The following CTNND2 variants were observed in gnomAD, a reference collection of about 807,000 sequenced individuals.
The protein encoded by CTNND2 is catenin delta-2.
CTNND2 carries 22 observed loss-of-function variants against 144.4 expected under a neutral mutation model. That is an observed-to-expected ratio of 0.15 (90% CI 0.11 to 0.22). The LOEUF (loss-of-function observed/expected upper bound fraction) is 0.22. Among genes scored for constraint, CTNND2 ranks in the 10% least tolerant of loss-of-function variants. The probability of loss-of-function intolerance (pLI) is 1.00; values close to 1 mark genes in which losing one functional copy is unlikely to be tolerated. For synonymous variants in CTNND2, 751 were observed against 695.6 expected, an observed-to-expected ratio of 1.08 and a Z score of -1.25; for missense variants, 1,353 against 1,618.8, an observed-to-expected ratio of 0.84 and a Z score of 2.82.
chr5:11,781,553 G>T (rs78157903), intron 1 of CTNND2, among the ~76,000 whole-genome samples: 11,644 of 152,204 alleles, frequency 0.077, 1,179 homozygotes, highest in African/African-American at 0.23. Context: ...TGATAAAACT[G>T]CATGATGTTC....
chr5:11,199,364 A>G, intron 11 of CTNND2, 84 bp downstream of exon 11: 1 of 1,217,464 alleles, frequency 8.2e-7, no homozygotes, highest in Non-Finnish European at 1.2e-6. Context: ...CACAATATTT[A>G]TTTGATTAGT....
chr5:11,736,482 T>C (rs1283785858), intron 1 of CTNND2, among the ~76,000 whole-genome samples: 1 of 152,144 alleles, frequency 6.6e-6, no homozygotes, highest in Non-Finnish European at 1.5e-5. Context: ...TAATCCAAAT[T>C]TAATGTAACT....
intron 2 of CTNND2, among the ~76,000 whole-genome samples, chr5:11,573,794 T>C (rs1007117126): frequency 1.3e-5 from 2 of 152,084 alleles, no homozygotes; most frequent in African/African-American, 2.4e-5. Flanking sequence ...AAAATAAAAA[T>C]ATAACGAAAC....
chr5:11,262,759 C>A lies in CTNND2; in HGVS notation c.1629-25936G>T, dbSNP rs1339895622. 5.4e-4 allele frequency among the ~76,000 whole-genome samples: 8 copies of A among 14,816 alleles called. No individual in the cohort carries two copies. The South Asian group carries it at 0.017, about 31-fold the overall frequency. 9.7% of individuals were successfully genotyped at this position (14,816 alleles called of 152,430 possible). A position where few individuals can be genotyped will look rare whatever the true frequency, so the allele number is the denominator to read the frequency against. ...CCTGGGTGACAGAGTAAGACTCTGTCTCAAAAAAAAAAAAAAAAAAAAAAA... is the reference window on the plus strand; with the variant it reads ...CCTGGGTGACAGAGTAAGACTCTGTATCAAAAAAAAAAAAAAAAAAAAAAA... On this transcript the variant is annotated intron_variant, in intron 9 of 21. Transcript: ENST00000304623.
intron 2 of CTNND2, among the ~76,000 whole-genome samples, chr5:11,575,309 T>C (rs1581533709): frequency 6.6e-6 from 1 of 152,302 alleles, no homozygotes; most frequent in East Asian, 1.9e-4. Context: ...CAACAAATAA[T>C]GTTTGCATCC....
intron 11 of CTNND2, among the ~76,000 whole-genome samples, chr5:11,171,085 T>A (rs1431142799): frequency 1.3e-5 from 2 of 152,142 alleles, no homozygotes; most frequent in Non-Finnish European, 2.9e-5. Flanking sequence ...GAGATTTGGG[T>A]GGGGACAGAG....
intron 11 of CTNND2, among the ~76,000 whole-genome samples, chr5:11,180,565 C>A (rs1238050383): frequency 6.6e-6 from 1 of 152,166 alleles, no homozygotes; most frequent in Non-Finnish European, 1.5e-5. Context: ...TGTAGAGTCT[C>A]AGCATCATGG....
intron 19 of CTNND2, among the ~76,000 whole-genome samples, chr5:10,991,401 T>C (rs1231400436): frequency 6.6e-6 from 1 of 152,206 alleles, no homozygotes; most frequent in Non-Finnish European, 1.5e-5. Flanking sequence ...AATAAGAGCC[T>C]ACATAGCTGT....
chr5:11,191,400 A>G (rs1736229791), intron 11 of CTNND2, among the ~76,000 whole-genome samples: 1 of 152,242 alleles, frequency 6.6e-6, no homozygotes, highest in Non-Finnish European at 1.5e-5. Flanking sequence ...TGACTCCCAT[A>G]GAGGAAATCC....
chr5:11,207,362 G>A (rs1020101935), intron 10 of CTNND2, among the ~76,000 whole-genome samples: 23 of 148,470 alleles, frequency 1.5e-4, no homozygotes, highest in African/African-American at 5.3e-4. Flanking sequence ...TTCTGCACAC[G>A]TATCCCAGAA....
At chr5:11,458,775 C>T (rs566500109) in intron 3 of CTNND2, among the ~76,000 whole-genome samples, 2 of 152,188 alleles carry the variant, frequency 1.3e-5, no homozygotes, top group East Asian at 3.9e-4. Context: ...TTTTTTGAGA[C>T]AAGGTTTCAC....
intron 10 of CTNND2, among the ~76,000 whole-genome samples, chr5:11,213,723 A>G (rs1408414194): frequency 5.3e-5 from 8 of 152,136 alleles, no homozygotes; most frequent in Admixed American, 5.2e-4. Flanking sequence ...CATTCCATGG[A>G]AGGCCACTGC....
At chr5:11,353,051 T>C (rs1755486017) in intron 8 of CTNND2, among the ~76,000 whole-genome samples, 1 of 149,130 alleles carries the variant, frequency 6.7e-6, no homozygotes, top group South Asian at 2.1e-4. Flanking sequence ...ATGAAGAGGA[T>C]GATACACAGT....
At chr5:11,339,921 GA>G (rs1754073487) in intron 9 of CTNND2, among the ~76,000 whole-genome samples, 1 of 152,320 alleles carries the variant, frequency 6.6e-6, no homozygotes, top group African/African-American at 2.4e-5. Context: ...GCAGCCCTAA[GA>G]AATTAATACA....
intron 9 of CTNND2, among the ~76,000 whole-genome samples, chr5:11,330,992 A>G (rs1458106224): frequency 1.3e-5 from 2 of 152,174 alleles, no homozygotes; most frequent in African/African-American, 4.8e-5. Context: ...TTAATACTTC[A>G]GTCATCTTCA....
At chr5:11,863,262 A>G (rs1302076384) in intron 1 of CTNND2, among the ~76,000 whole-genome samples, 2 of 152,210 alleles carry the variant, frequency 1.3e-5, no homozygotes, top group Non-Finnish European at 2.9e-5. Context: ...TTGCCAAACA[A>G]TTGTTGTTTC....
intron 1 of CTNND2, among the ~76,000 whole-genome samples, chr5:11,752,236 T>C (rs1788664121): frequency 6.6e-6 from 1 of 151,930 alleles, no homozygotes; most frequent in Non-Finnish European, 1.5e-5. Flanking sequence ...TTTGTTTTTG[T>C]TGCAATTGCT....
chr5:11,076,114 C>T (rs1387588466), intron 16 of CTNND2, among the ~76,000 whole-genome samples: 1 of 152,158 alleles, frequency 6.6e-6, no homozygotes, highest in African/African-American at 2.4e-5. Flanking sequence ...CATACGCATA[C>T]ACAAAAAACA....
At chr5:11,488,691 C>T (rs1316391741) in intron 3 of CTNND2, among the ~76,000 whole-genome samples, 1 of 152,148 alleles carries the variant, frequency 6.6e-6, no homozygotes, top group Non-Finnish European at 1.5e-5. Context: ...AAATTTCCCT[C>T]ATGCAATCCT....
Sources: allele counts gnomAD v4.1 joint callset (sites outside exome capture counted in the v4.1 genomes callset), GRCh38; gene constraint gnomAD v4.1.1; transcripts MANE v1.5; gene names NCBI Gene and HGNC (gene_info 2026-07-23, HGNC 2026-07-21).